Variants in ANXA10 observed in about 807,000 individuals in gnomAD.
The protein encoded by ANXA10 is annexin 14.
A neutral mutation model predicts 53.5 loss-of-function variants in ANXA10; 49 were observed. The ratio of observed to expected loss-of-function variants is 0.92; its 90% CI spans 0.73 to 1.16. The LOEUF is 1.16. ANXA10 is among the 50% of genes most tolerant of loss of function. ANXA10 has a pLI of 0.00. For missense variants in ANXA10, 393 were observed against 394.4 expected (o/e 1.00, Z 0.03); for synonymous variants, 131 against 128.9 (o/e 1.02, Z -0.11).
chr4:168,095,337 A>G (rs904216100), intron 1 of ANXA10, among the ~76,000 whole-genome samples: 11 of 151,996 alleles, frequency 7.2e-5, no homozygotes, highest in African/African-American at 2.7e-4. Flanking sequence ...GACCTCTAAT[A>G]GGATTAGAGT....
chr4:168,173,655 T>A (rs1041783968), intron 6 of ANXA10, among the ~76,000 whole-genome samples: 1 of 152,108 alleles, frequency 6.6e-6, no homozygotes, highest in African/African-American at 2.4e-5. Context: ...CAGACAAATC[T>A]TTAGGCAGAC....
intron 1 of ANXA10, among the ~76,000 whole-genome samples, chr4:168,119,622 T>C (rs1730953881): frequency 6.6e-6 from 1 of 152,128 alleles, no homozygotes; most frequent in African/African-American, 2.4e-5. Flanking sequence ...TTAATATGTA[T>C]GTCTTTGGTT....
chr4:168,124,862 T>C (rs1304879051), intron 1 of ANXA10, among the ~76,000 whole-genome samples: 2 of 152,182 alleles, frequency 1.3e-5, no homozygotes, highest in Non-Finnish European at 2.9e-5. Flanking sequence ...ATCATTTTGG[T>C]AGACAAATAG....
chr4:168,164,816 C>T (rs1731846106), intron 5 of ANXA10, among the ~76,000 whole-genome samples: 1 of 152,070 alleles, frequency 6.6e-6, no homozygotes, highest in South Asian at 2.1e-4. Flanking sequence ...CATTGTGTGT[C>T]AAGAAAATGT....
At chr4:168,117,522 A>G (rs752961350) in intron 1 of ANXA10, among the ~76,000 whole-genome samples, 2 of 152,182 alleles carry the variant, frequency 1.3e-5, no homozygotes, top group Non-Finnish European at 2.9e-5. Flanking sequence ...TTCCATGTGT[A>G]GCTCTGCCAT....
rs111900680 is a variant in ANXA10 at position 168,114,485 on chromosome 4, G to C, written c.19-13599G>C. The stretch of plus-strand genomic sequence containing the variant: ...AATTAGTTTAAGGAACATGCAGCCA[G>C]CACATGTATAGTGTCCCCTCTTGTT... On this transcript the variant is annotated intron_variant, in intron 1 of 11. Coordinates refer to ENST00000359299, the MANE Select transcript of ANXA10 (RefSeq NM_007193.5). 2.6e-3 allele frequency among the ~76,000 whole-genome samples: 390 copies of C among 152,302 alleles called. 1 individual carries two copies. Among genetic ancestry groups the C allele is most frequent in the African/African-American group, 9.1e-3 (379 of 41,558 alleles).
chr4:168,162,682 GC>G, intron 4 of ANXA10, 41 bp downstream of exon 4: 1 of 1,538,088 alleles, frequency 6.5e-7, no homozygotes, highest in Non-Finnish European at 9.0e-7. Context: ...ACAAGTACAG[GC>G]CAGTATTTCA....
chr4:168,174,390 A>AG lies in ANXA10; in HGVS notation c.481-3349dup, dbSNP rs555000799. ...TTGTGACATGCCTGGTCCAGCCACA[A>AG]GCCCCACATGGAGCCCGCACCTATG... On this transcript the variant is annotated intron_variant, in intron 6 of 11. Transcript: ENST00000359299. Among the ~76,000 whole-genome samples the AG allele has an allele frequency of 1.2e-4, 18 of 152,300 alleles. No individual in the cohort carries two copies. In the South Asian group the frequency reaches 3.5e-3, roughly 30 times the overall value.
intron 3 of ANXA10, among the ~76,000 whole-genome samples, chr4:168,150,847 G>A (rs1216180514): frequency 6.6e-6 from 1 of 152,142 alleles, no homozygotes; most frequent in African/African-American, 2.4e-5. Context: ...AATGCTGGCT[G>A]GTTGTTTTGT....
chr4:168,161,888 G>A (rs963392064), intron 3 of ANXA10, among the ~76,000 whole-genome samples: 1 of 151,950 alleles, frequency 6.6e-6, no homozygotes, highest in Non-Finnish European at 1.5e-5. Context: ...TGTATAGGAA[G>A]AGCATATATA....
intron 6 of ANXA10, among the ~76,000 whole-genome samples, chr4:168,168,266 C>G (rs1731918443): frequency 6.6e-6 from 1 of 152,186 alleles, no homozygotes; most frequent in Non-Finnish European, 1.5e-5. Flanking sequence ...CAGAAGTGTT[C>G]ATGAGCCTTG....
chr4:168,107,280 G>C (rs890800192), intron 1 of ANXA10, among the ~76,000 whole-genome samples: 2 of 152,142 alleles, frequency 1.3e-5, no homozygotes, highest in Non-Finnish European at 2.9e-5. Context: ...AGGAAACAAA[G>C]AGTTTCAGTG....
intron 1 of ANXA10, among the ~76,000 whole-genome samples, chr4:168,123,995 A>G (rs1047853349): frequency 1.3e-5 from 2 of 151,944 alleles, no homozygotes; most frequent in African/African-American, 4.8e-5. Flanking sequence ...TTGCACAGCC[A>G]CTCCCATTCA....
At chr4:168,182,541 C>G (rs111447007) in intron 10 of ANXA10, among the ~76,000 whole-genome samples, 49,892 of 146,768 alleles carry the variant, frequency 0.34, 9,788 homozygotes, top group African/African-American at 0.54. Flanking sequence ...CACTGTGTTA[C>G]CCAGGATGGT....
At chr4:168,132,588 CAAT>C (rs943852595) in intron 2 of ANXA10, among the ~76,000 whole-genome samples, 1 of 151,890 alleles carries the variant, frequency 6.6e-6, no homozygotes. Context: ...TGACTATAGT[CAAT>C]AATAACTGTG....
chr4:168,106,691 T>C (rs1730724692), intron 1 of ANXA10, among the ~76,000 whole-genome samples: 1 of 152,162 alleles, frequency 6.6e-6, no homozygotes, highest in Non-Finnish European at 1.5e-5. Flanking sequence ...TGCCTTACTT[T>C]AGTGAGATAT....
rs1730480570 is a variant in ANXA10 at position 168,092,787 on chromosome 4, T to C, written c.18+69T>C. 4 of 1,410,852 alleles carry C rather than the reference T, an allele frequency of 2.8e-6. No homozygotes were observed. The African/African-American group carries it at 4.5e-5, about 16-fold the overall frequency. 87.4% of individuals were successfully genotyped at this position (1,410,852 alleles called of 1,614,324 possible). On this transcript the variant is annotated intron_variant, in intron 1 of 11. Coordinates refer to ENST00000359299, the MANE Select transcript of ANXA10 (RefSeq NM_007193.5). ...AACTTGATTTATAAAATTTCATTTG[T>C]GTTTTTTGACGTTTTTAACAGAAAA...
chr4:168,117,439 C>A (rs570277976), intron 1 of ANXA10, among the ~76,000 whole-genome samples: 1 of 152,272 alleles, frequency 6.6e-6, no homozygotes, highest in African/African-American at 2.4e-5. Flanking sequence ...CATCACATCA[C>A]TTCATGGTTT....
chr4:168,131,411 G>A (rs1221529798), intron 2 of ANXA10, among the ~76,000 whole-genome samples: 1 of 151,936 alleles, frequency 6.6e-6, no homozygotes, highest in Non-Finnish European at 1.5e-5. Context: ...TTTGGTTAAT[G>A]CTCCATGTAA....
Sources: allele counts gnomAD v4.1 joint callset (sites outside exome capture counted in the v4.1 genomes callset), GRCh38; gene constraint gnomAD v4.1.1; transcripts MANE v1.5; gene names NCBI Gene and HGNC (gene_info 2026-07-23, HGNC 2026-07-21).